The following PLCE1 variants were observed in gnomAD, a reference collection of about 807,000 sequenced individuals.
PLCE1 encodes phospholipase C epsilon 1.
PLCE1 carries 119 observed loss-of-function variants against 242.8 expected under a neutral mutation model. That is an observed-to-expected ratio of 0.49 (90% CI 0.42 to 0.57). PLCE1 has a LOEUF of 0.57. PLCE1 is among the 20% of genes least tolerant of loss of function. PLCE1 has a pLI of 0.00. For missense variants in PLCE1, 2,441 were observed against 2,788.8 expected, an observed-to-expected ratio of 0.88 and a Z score of 2.81; for synonymous variants, 945 against 1,017.4, an observed-to-expected ratio of 0.93 and a Z score of 1.35.
intron 16 of PLCE1, 39 bp downstream of exon 16, chr10:94,265,997 C>A (rs1236649534): frequency 1.9e-6 from 3 of 1,599,960 alleles, no homozygotes; most frequent in African/African-American, 2.7e-5. Flanking sequence ...TTTTATTAAA[C>A]CTAATTATTT....
intron 2 of PLCE1, chr10:94,082,112 G>C (rs1249896989): frequency 6.6e-6 from 1 of 152,168 alleles, no homozygotes; most frequent in Non-Finnish European, 1.5e-5. Context: ...GATCTTCATA[G>C]TAAATTAACA....
At chr10:94,078,302 T>C (rs1564667803) in intron 2 of PLCE1, among the ~76,000 whole-genome samples, 1 of 152,208 alleles carries the variant, frequency 6.6e-6, no homozygotes, top group Non-Finnish European at 1.5e-5. Context: ...AATTCTTATA[T>C]GTTGAAATGA....
rs2050686578 is a variant in PLCE1, at chr10:94,246,496, C to A, written c.2971C>A (p.Pro991Thr). Reference sequence around the variant, plus strand: ...CAACAGATTATTGCACTTCGTGGCACCAAAGCACACAGCTAAAATGCTCTT... The same window carrying A: ...CAACAGATTATTGCACTTCGTGGCAACAAAGCACACAGCTAAAATGCTCTT... ...TDNRLLHFVA[P>T]KHTAKMLFSG... is the part of the protein sequence containing the mutation. The change falls in exon 8 of 33, where the codon CCA (proline) becomes ACA (threonine). Residue 991 changes from proline (P) to threonine (T), a missense_variant. This residue lies in a region of PLCE1 where 1,004 missense variants were observed against 1,322.7 expected (regional missense o/e 0.76). Transcript: ENST00000371380. The A allele has an allele frequency of 6.2e-7, 1 of 1,614,170 alleles. No homozygotes were observed. Among genetic ancestry groups the A allele is most frequent in the South Asian group, 1.1e-5 (1 of 91,082 alleles).
chr10:94,316,736 G>T lies in PLCE1; in HGVS notation c.6322G>T (p.Val2108Phe). The T allele has an allele frequency of 6.2e-7, 1 of 1,613,790 alleles. No homozygotes were observed. ...FPEEGYMGRIVLKTQQENLEE... is the reference protein window; with the variant it reads ...FPEEGYMGRIFLKTQQENLEE... ...AGAAGAGGGATACATGGGCAGGATT[G>T]TCTTAAAAACCCAGCAGGAAGTAAG... Residue 2108 changes from valine to phenylalanine, a missense_variant, in exon 29 of 33, where the codon GTC (valine) becomes TTC (phenylalanine). Physicochemically the swap from Val to Phe is conservative, Grantham distance 50. Around this residue, in one of 5 missense-constraint regions of PLCE1, gnomAD observed 310 missense variants for 317.2 expected, o/e 0.98. Transcript: ENST00000371380.
intron 3 of PLCE1, among the ~76,000 whole-genome samples, chr10:94,141,031 G>A (rs1170460297): frequency 6.6e-6 from 1 of 152,234 alleles, no homozygotes. Context: ...CAGAGAAAAT[G>A]TAATATTAGG....
chr10:94,007,204 CGT>C (rs2061055951), intron 1 of PLCE1, among the ~76,000 whole-genome samples: 1 of 151,846 alleles, frequency 6.6e-6, no homozygotes, highest in Non-Finnish European at 1.5e-5. Context: ...TTTTCTACAT[CGT>C]GTGTTGGCTC....
At chr10:94,086,453 G>A (rs2044829268) in intron 2 of PLCE1, among the ~76,000 whole-genome samples, 1 of 152,158 alleles carries the variant, frequency 6.6e-6, no homozygotes. Context: ...CAGTAATTTG[G>A]ATAATTTTGA....
chr10:94,221,740 A>AAAGAAGAAG (rs556168808), intron 4 of PLCE1, among the ~76,000 whole-genome samples: 2 of 152,000 alleles, frequency 1.3e-5, no homozygotes, highest in African/African-American at 4.8e-5. Flanking sequence ...GTCTAAAAAA[A>AAAGAAGAAG]AAGAAGAAGA....
chr10:94,056,481 G>GA lies in PLCE1; in HGVS notation c.1206+24235dup, dbSNP rs543041561. On this transcript the variant is annotated intron_variant, in intron 2 of 32. Transcript: ENST00000371380. Reference sequence around the variant, plus strand: ...AAAAAAATTAAAAATACAACAGAGAGAAAAAATCTATAATCCAACCACTAA... The same window carrying GA: ...AAAAAAATTAAAAATACAACAGAGAGAAAAAAATCTATAATCCAACCACTAA... 1.4e-3 allele frequency among the ~76,000 whole-genome samples: 209 copies of GA among 152,134 alleles called. 2 individuals carry two copies. The highest frequency in any genetic ancestry group is 4.1e-3 in the African/African-American group (170 of 41,514).
chr10:94,034,748 G>T (rs547954393), intron 2 of PLCE1, among the ~76,000 whole-genome samples: 1 of 152,220 alleles, frequency 6.6e-6, no homozygotes, highest in African/African-American at 2.4e-5. Context: ...CTGGGGTAGG[G>T]CACAGCATGA....
At chr10:94,212,500 C>T (rs1228405053) in intron 4 of PLCE1, among the ~76,000 whole-genome samples, 2 of 152,190 alleles carry the variant, frequency 1.3e-5, no homozygotes, top group Admixed American at 6.5e-5. Flanking sequence ...TTGTGATCCA[C>T]CCTCCTTGGC....
chr10:94,002,693 C>T (rs763088715), intron 1 of PLCE1, among the ~76,000 whole-genome samples: 5 of 152,146 alleles, frequency 3.3e-5, no homozygotes, highest in Non-Finnish European at 7.3e-5. Context: ...AGGGTCCAAG[C>T]TTGGCCCTCT....
chr10:94,204,189 G>T (rs1004239144), intron 4 of PLCE1, among the ~76,000 whole-genome samples: 2 of 152,156 alleles, frequency 1.3e-5, no homozygotes, highest in Non-Finnish European at 2.9e-5. Flanking sequence ...TTGGGCAGAG[G>T]TTCCTGGCAG....
intron 6 of PLCE1, 77 bp downstream of exon 6, chr10:94,234,389 C>A: frequency 7.0e-7 from 1 of 1,426,606 alleles, no homozygotes; most frequent in Non-Finnish European, 9.8e-7. Flanking sequence ...CTGTGCTCAC[C>A]AAAGAAATGA....
intron 2 of PLCE1, among the ~76,000 whole-genome samples, chr10:94,052,766 C>T (rs1028935329): frequency 6.6e-6 from 1 of 152,076 alleles, no homozygotes; most frequent in Non-Finnish European, 1.5e-5. Flanking sequence ...TATCTCATTT[C>T]TAGTTAACCG....
chr10:94,130,179 A>T (rs1465940222), intron 2 of PLCE1, among the ~76,000 whole-genome samples: 2 of 152,226 alleles, frequency 1.3e-5, no homozygotes, highest in Admixed American at 6.5e-5. Flanking sequence ...AGCCAAGAGA[A>T]TAAAACTATG....
chr10:94,254,908 C>T lies in PLCE1; in HGVS notation c.3413C>T (p.Ala1138Val). Residue 1138 changes from alanine to valine, a missense_variant, in exon 11 of 33, where the codon GCT becomes GTT. By Grantham distance (64) the Ala-to-Val change is moderately conservative. Coordinates refer to ENST00000371380, the MANE Select transcript of PLCE1 (RefSeq NM_016341.4). ...EQEESEVNAI[A>V]NPPNPLPSRR... ...ATCCTCACAGAGGTGAATGCCATCG[C>T]TAACCCTCCAAACCCCCTCCCTTCC... is the stretch of plus-strand genomic sequence containing the variant. 6.2e-7 allele frequency: 1 copy of T among 1,614,132 alleles called. No homozygotes were observed. Among genetic ancestry groups the T allele is most frequent in the Non-Finnish European group, 8.5e-7 (1 of 1,179,988 alleles).
intron 4 of PLCE1, among the ~76,000 whole-genome samples, chr10:94,219,610 G>T (rs1363590636): frequency 2.6e-5 from 4 of 152,108 alleles, no homozygotes; most frequent in Non-Finnish European, 4.4e-5. Context: ...CTTGCAGGAA[G>T]GAGTATGGTC....
At chr10:94,258,442 TAAG>T (rs1473531057) in intron 11 of PLCE1, among the ~76,000 whole-genome samples, 2 of 152,190 alleles carry the variant, frequency 1.3e-5, no homozygotes, top group African/African-American at 4.8e-5. Flanking sequence ...TCCCATAGAT[TAAG>T]AGTGAGTAAT....
Sources: allele counts gnomAD v4.1 joint callset (sites outside exome capture counted in the v4.1 genomes callset), GRCh38; gene constraint gnomAD v4.1.1; regional missense constraint gnomAD v4.1.1; transcripts MANE v1.5; gene names NCBI Gene and HGNC (gene_info 2026-07-23, HGNC 2026-07-21).